The following GSK3B variants were observed in gnomAD, a reference collection of about 807,000 sequenced individuals.
GSK3B encodes the protein glycogen synthase kinase 3 beta, also known as glycogen synthase kinase-3 beta.
A neutral mutation model predicts 56.4 loss-of-function variants in GSK3B; 15 were observed. The ratio of observed to expected loss-of-function variants is 0.27; its 90% confidence interval spans 0.18 to 0.41. GSK3B has a LOEUF of 0.41. Among genes scored for constraint, GSK3B ranks in the 10% least tolerant of loss-of-function variants. The probability of loss-of-function intolerance (pLI) is 1.00; values close to 1 mark genes in which losing one functional copy is unlikely to be tolerated. For synonymous variants in GSK3B, 181 were observed against 188.9 expected, an observed-to-expected ratio of 0.96 and a Z score of 0.34; for missense variants, 300 against 513.4, an observed-to-expected ratio of 0.58 and a Z score of 4.02.
chr3:119,966,529 A>C (rs1292344808), intron 2 of GSK3B, among the ~76,000 whole-genome samples: 1 of 152,198 alleles, frequency 6.6e-6, no homozygotes, highest in Non-Finnish European at 1.5e-5. Flanking sequence ...AAGAAACCCT[A>C]GTACTGATGG....
At chr3:119,923,274 G>T in intron 4 of GSK3B, 99 bp downstream of exon 4, 1 of 541,200 alleles carries the variant, frequency 1.8e-6, no homozygotes, top group South Asian at 3.1e-5. Context: ...TTTTCTCCCT[G>T]AGTATTAAAT....
chr3:119,964,373 A>G (rs2057300617), intron 2 of GSK3B, among the ~76,000 whole-genome samples: 1 of 152,254 alleles, frequency 6.6e-6, no homozygotes, highest in Non-Finnish European at 1.5e-5. Context: ...GAAAACCCAG[A>G]TGAATTGATA....
chr3:119,828,570 T>A (rs774535229), intron 10 of GSK3B, among the ~76,000 whole-genome samples: 2 of 152,196 alleles, frequency 1.3e-5, no homozygotes, highest in Non-Finnish European at 1.5e-5. Flanking sequence ...TACCATGTGC[T>A]ATGGTGAGTA....
chr3:120,072,530 T>C (rs2058335076), intron 1 of GSK3B, among the ~76,000 whole-genome samples: 1 of 152,110 alleles, frequency 6.6e-6, no homozygotes, highest in Admixed American at 6.6e-5. Flanking sequence ...GAGGTTGCCA[T>C]GAGCCGAGAT....
chr3:119,834,032 G>A (rs1270762945), intron 10 of GSK3B, among the ~76,000 whole-genome samples: 1 of 151,902 alleles, frequency 6.6e-6, no homozygotes, highest in African/African-American at 2.4e-5. Flanking sequence ...CCTTTACTAC[G>A]CTCTTGCCCA....
intron 1 of GSK3B, among the ~76,000 whole-genome samples, chr3:120,002,495 C>T (rs760403939): frequency 2.6e-5 from 4 of 152,110 alleles, no homozygotes; most frequent in East Asian, 1.9e-4. Flanking sequence ...CCTGCCACCA[C>T]GTCTGGCTAA....
intron 1 of GSK3B, among the ~76,000 whole-genome samples, chr3:120,074,627 T>C (rs2058354594): frequency 6.6e-6 from 1 of 152,128 alleles, no homozygotes. Context: ...TGAGAAACTG[T>C]TACGAACAAT....
chr3:119,993,230 G>A (rs143403895), intron 2 of GSK3B, among the ~76,000 whole-genome samples: 4 of 152,034 alleles, frequency 2.6e-5, no homozygotes, highest in Non-Finnish European at 5.9e-5. Flanking sequence ...AATGAGGTTG[G>A]CCATCTACAG....
At chr3:119,985,286 A>T (rs1239602533) in intron 2 of GSK3B, among the ~76,000 whole-genome samples, 8 of 152,208 alleles carry the variant, frequency 5.3e-5, no homozygotes, top group African/African-American at 1.9e-4. Context: ...CAAGACAAGG[A>T]TGCCCTCTCT....
chr3:120,090,633 T>C (rs1231845421), intron 1 of GSK3B, among the ~76,000 whole-genome samples: 1 of 152,120 alleles, frequency 6.6e-6, no homozygotes, highest in Non-Finnish European at 1.5e-5. Context: ...AACCTGTTCC[T>C]TTCACCCCAC....
intron 1 of GSK3B, among the ~76,000 whole-genome samples, chr3:120,082,640 C>T (rs182996318): frequency 1.5e-3 from 234 of 151,924 alleles, no homozygotes; most frequent in Middle Eastern, 3.4e-3. Flanking sequence ...GTGATCCACC[C>T]GCCTCGGTCT....
At chr3:119,840,489 G>A (rs1669910965) in intron 10 of GSK3B, among the ~76,000 whole-genome samples, 1 of 152,126 alleles carries the variant, frequency 6.6e-6, no homozygotes, top group African/African-American at 2.4e-5. Context: ...CTCCCAAAGT[G>A]CTGGGATTAC....
chr3:119,836,601 CTTTT>C lies in GSK3B; in HGVS notation c.1195+6650_1195+6653del, dbSNP rs533276225. On this transcript the variant is annotated intron_variant, in intron 10 of 10. Coordinates refer to ENST00000264235, the MANE Select transcript of GSK3B (RefSeq NM_001146156.2). ...TTGATTTCCATCTTTGATATGGTTA[CTTTT>C]TTTTTAATGGAAAAAGGCTGAAAGT... 1.1e-4 allele frequency among the ~76,000 whole-genome samples: 16 copies of C among 150,828 alleles called. No individual in the cohort carries two copies. In the East Asian group the frequency reaches 2.9e-3, roughly 27 times the overall value.
At chr3:120,049,828 C>T (rs2058133269) in intron 1 of GSK3B, among the ~76,000 whole-genome samples, 1 of 152,190 alleles carries the variant, frequency 6.6e-6, no homozygotes, top group African/African-American at 2.4e-5. Context: ...GCAAGCCATA[C>T]AGTCTCGGTC....
At chr3:119,849,401 A>G (rs541634375) in intron 9 of GSK3B, among the ~76,000 whole-genome samples, 10 of 152,344 alleles carry the variant, frequency 6.6e-5, no homozygotes, top group African/African-American at 2.4e-4. Flanking sequence ...AAACATCTCA[A>G]TAACCATGTG....
chr3:119,959,506 CTTTTTTTTTTT>C (rs34702117), intron 2 of GSK3B, among the ~76,000 whole-genome samples: 3 of 89,184 alleles, frequency 3.4e-5, no homozygotes, highest in African/African-American at 8.5e-5. Context: ...TTCTCTCTGA[CTTTTTTTTTTT>C]TTTTTTTTTT....
At chr3:119,896,687 G>GCCAACTATTAAGAA (rs1239985398) in intron 7 of GSK3B, among the ~76,000 whole-genome samples, 8 of 152,120 alleles carry the variant, frequency 5.3e-5, no homozygotes, top group Non-Finnish European at 1.2e-4. Context: ...AATCATTGGT[G>GCCAACTATTAAGAA]TCAAACATTT....
intron 6 of GSK3B, 22 bp from the exon 7 acceptor site, chr3:119,905,874 G>A: frequency 1.5e-6 from 2 of 1,325,590 alleles, no homozygotes; most frequent in Non-Finnish European, 2.2e-6. Context: ...AGAAAACGAA[G>A]CCTTATTAAT....
At chr3:119,984,145 T>G (rs1043719814) in intron 2 of GSK3B, among the ~76,000 whole-genome samples, 7 of 152,092 alleles carry the variant, frequency 4.6e-5, no homozygotes, top group African/African-American at 1.7e-4. Flanking sequence ...ATAAAGATAT[T>G]CTCTGAAACC....
Sources: allele counts gnomAD v4.1 joint callset (sites outside exome capture counted in the v4.1 genomes callset), GRCh38; gene constraint gnomAD v4.1.1; transcripts MANE v1.5; gene names NCBI Gene and HGNC (gene_info 2026-07-23, HGNC 2026-07-21).